The following CDC42EP2 variants were observed in gnomAD, a reference collection of about 807,000 sequenced individuals.
The protein encoded by CDC42EP2 is CDC42 effector protein (Rho GTPase binding) 2.
Under a neutral mutation model 7.3 loss-of-function variants are expected in CDC42EP2, and 5 were observed. The ratio of observed to expected loss-of-function variants is 0.68; its 90% CI spans 0.36 to 1.44. The LOEUF (loss-of-function observed/expected upper bound fraction) is 1.44. Among genes scored for constraint, CDC42EP2 ranks in the 40% most tolerant of loss-of-function variants. The pLI, the probability that CDC42EP2 is intolerant of heterozygous loss-of-function variation, is 0.04. For synonymous variants in CDC42EP2, 113 were observed against 123.6 expected (o/e 0.91, Z 0.57); for missense variants, 251 against 282.6 (o/e 0.89, Z 0.80).
In CDC42EP2 at chr11:65,315,132, G is replaced by T. The variant is rs921099805; in HGVS notation, c.-356+178G>T. Among the ~76,000 whole-genome samples, 13 of 152,194 alleles carry T rather than the reference G, an allele frequency of 8.5e-5. No homozygotes were observed. Among genetic ancestry groups the T allele is most frequent in the Non-Finnish European group, 1.5e-4 (10 of 67,966 alleles). ...CATCTGGGTTCCCGCAGCCTCGCCC[G>T]TGCCCGCCACGGTCCGTGGGGGCGC... On this transcript the variant is annotated intron_variant, in intron 1 of 1. Coordinates refer to ENST00000279249, the MANE Select transcript of CDC42EP2 (RefSeq NM_006779.4). The surrounding 1 kb of genome is among the most constrained non-coding windows in gnomAD (Gnocchi z 4.1).
intron 1 of CDC42EP2, among the ~76,000 whole-genome samples, chr11:65,317,455 G>A (rs1949953368): frequency 6.6e-6 from 1 of 152,110 alleles, no homozygotes; most frequent in African/African-American, 2.4e-5. Flanking sequence ...CAAAGAACTG[G>A]CAAGAGCCAC....
intron 1 of CDC42EP2, chr11:65,317,304 GT>G (rs1220105451): frequency 6.6e-6 from 1 of 152,284 alleles, no homozygotes; most frequent in African/African-American, 2.4e-5. Context: ...CTGGGGTGGG[GT>G]TTCCTGAGCA....
intron 1 of CDC42EP2, among the ~76,000 whole-genome samples, chr11:65,316,656 G>A (rs1182810405): frequency 6.6e-6 from 1 of 152,156 alleles, no homozygotes; most frequent in Non-Finnish European, 1.5e-5. Context: ...GTAAAGGGCC[G>A]TAATGACCCC....
chr11:65,321,910 G>C lies in CDC42EP2; in HGVS notation c.*379G>C. On this transcript the variant is annotated 3_prime_UTR_variant, in exon 2 of 2. Transcript: ENST00000279249. The surrounding 1 kb of genome is among the most constrained non-coding windows in gnomAD (Gnocchi z 4.4). ...GATGCCCTGACTGGGGGCAGGGGAA[G>C]AGACAGGGCACAGCTGGCCACAGGG... is the stretch of plus-strand genomic sequence containing the variant. The C allele has an allele frequency of 4.6e-6, 1 of 219,490 alleles. No homozygotes were observed. The allele number at this position is 219,490 out of a possible 1,614,324, so 13.6% of individuals were successfully genotyped here. A position where few individuals can be genotyped will look rare whatever the true frequency, so the allele number is the denominator to read the frequency against.
In CDC42EP2 at chr11:65,320,569, G is replaced by A; in HGVS notation, c.-330G>A. 3.4e-6 allele frequency: 1 copy of A among 297,002 alleles called. No individual in the cohort carries two copies. The allele number at this position is 297,002 out of a possible 1,614,324, so 18.4% of individuals were successfully genotyped here. A position where few individuals can be genotyped will look rare whatever the true frequency, so the allele number is the denominator to read the frequency against. On this transcript the variant is annotated 5_prime_UTR_variant, in exon 2 of 2. Coordinates refer to ENST00000279249, the MANE Select transcript of CDC42EP2 (RefSeq NM_006779.4). ...CTCCTCAGCCCTGGACCGGGGACAA[G>A]TAACCCTCGGTGACAAGACCAAAGT...
In CDC42EP2 at chr11:65,321,527, C is replaced by A. The variant is rs770987084; in HGVS notation, c.629C>A (p.Thr210Lys). Residue 210 changes from threonine (T) to lysine (K), a missense_variant, in exon 2 of 2, where the codon ACA becomes AAA. Transcript: ENST00000279249. The surrounding 1 kb of genome is among the most constrained non-coding windows in gnomAD (Gnocchi z 4.4). ...GACCTGGACAGCATGCAGATCCCCA[C>A]ATAGGACACGAGGCTGCCTAGGCTG... is the stretch of plus-strand genomic sequence containing the variant. ...DQDLDSMQIPT is the reference protein window; with the variant it reads ...DQDLDSMQIPK 2 of 1,600,238 alleles carry A rather than the reference C, an allele frequency of 1.2e-6. No homozygotes were observed. The highest frequency in any genetic ancestry group is 1.7e-6 in the Non-Finnish European group (2 of 1,170,384).
intron 1 of CDC42EP2, among the ~76,000 whole-genome samples, chr11:65,318,660 T>C (rs1292781071): frequency 6.6e-6 from 1 of 151,708 alleles, no homozygotes; most frequent in African/African-American, 2.4e-5. Context: ...CCTGACCTCA[T>C]GATCCGCCCG....
At chr11:65,319,072 C>T (rs1401210254) in intron 1 of CDC42EP2, among the ~76,000 whole-genome samples, 1 of 150,594 alleles carries the variant, frequency 6.6e-6, no homozygotes, top group African/African-American at 2.4e-5. Flanking sequence ...TGTGGGAATC[C>T]TCCAAAATTT....
chr11:65,318,372 A>G (rs1949957522), intron 1 of CDC42EP2, among the ~76,000 whole-genome samples: 1 of 149,914 alleles, frequency 6.7e-6, no homozygotes, highest in Non-Finnish European at 1.5e-5. Context: ...CTTCTGCCTC[A>G]GCCTCCCGAG....
rs1369135874 is a variant in CDC42EP2, at chr11:65,315,228, AC to A, written c.-356+277del. On this transcript the variant is annotated intron_variant, in intron 1 of 1. Transcript: ENST00000279249. This position sits in a 1 kb window ranked among gnomAD's most constrained non-coding sequence, Gnocchi z 4.1. ...TCCGGGCCCCCGCCCCCCTCCCGAGACCCAGGGGTGCCCCGCCGCCCAGCAT... is the reference window on the plus strand; with the variant it reads ...TCCGGGCCCCCGCCCCCCTCCCGAGACCAGGGGTGCCCCGCCGCCCAGCAT... 6.6e-6 allele frequency among the ~76,000 whole-genome samples: 1 copy of A among 151,868 alleles called. No individual in the cohort carries two copies. The highest frequency in any genetic ancestry group is 2.4e-5 in the African/African-American group (1 of 41,310).
At position 65,320,672 on chromosome 11, in the gene CDC42EP2, A is replaced by C; in HGVS notation, c.-227A>C. 3.7e-6 allele frequency: 2 copies of C among 540,106 alleles called. No homozygotes were observed. The highest frequency in any genetic ancestry group is 2.5e-5 in the South Asian group (1 of 40,206). The allele number at this position is 540,106 out of a possible 1,614,324, so 33.5% of individuals were successfully genotyped here. A position where few individuals can be genotyped will look rare whatever the true frequency, so the allele number is the denominator to read the frequency against. On this transcript the variant is annotated 5_prime_UTR_variant, in exon 2 of 2. Coordinates refer to ENST00000279249, the MANE Select transcript of CDC42EP2 (RefSeq NM_006779.4). ...TTTGCCGTCCTTTGGGGAGAACGTGATTTTTGTTATCTCAGCCCACTGACT... is the reference window on the plus strand; with the variant it reads ...TTTGCCGTCCTTTGGGGAGAACGTGCTTTTTGTTATCTCAGCCCACTGACT...
At chr11:65,318,057 CCTT>C in intron 1 of CDC42EP2, among the ~76,000 whole-genome samples, 1 of 151,404 alleles carries the variant, frequency 6.6e-6, no homozygotes, top group Non-Finnish European at 1.5e-5. Context: ...CTAGGGCTGG[CCTT>C]CTAGATTTTT....
At chr11:65,318,210 C>T (rs1249488342) in intron 1 of CDC42EP2, among the ~76,000 whole-genome samples, 1 of 151,638 alleles carries the variant, frequency 6.6e-6, no homozygotes, top group Non-Finnish European at 1.5e-5. Flanking sequence ...ATTCTTCTGC[C>T]TCAGCCTCCT....
chr11:65,319,563 C>T (rs1433005373), intron 1 of CDC42EP2, among the ~76,000 whole-genome samples: 2 of 152,160 alleles, frequency 1.3e-5, no homozygotes, highest in South Asian at 2.1e-4. Flanking sequence ...ATGTACTCCC[C>T]ACTCCACCTT....
chr11:65,316,509 C>G (rs980490939), intron 1 of CDC42EP2, among the ~76,000 whole-genome samples: 1 of 152,142 alleles, frequency 6.6e-6, no homozygotes, highest in African/African-American at 2.4e-5. Flanking sequence ...CTCCCGCTCC[C>G]CAAACATATT....
rs1265749447 is a variant in CDC42EP2 at position 65,316,797 on chromosome 11, G to A, written c.-356+1843G>A. On this transcript the variant is annotated intron_variant, in intron 1 of 1. Transcript: ENST00000279249. ...ATTCCCAGCTCTCCCCTGGGCCGCTGATGCTGGCCTCACCCTCGATTCTCC... is the reference window on the plus strand; with the variant it reads ...ATTCCCAGCTCTCCCCTGGGCCGCTAATGCTGGCCTCACCCTCGATTCTCC... Among the ~76,000 whole-genome samples the A allele has an allele frequency of 2.0e-5, 3 of 152,200 alleles. No homozygotes were observed. In the East Asian group the frequency reaches 5.8e-4, roughly 29 times the overall value.
In CDC42EP2 at chr11:65,320,560, CG is replaced by C; in HGVS notation, c.-335del. ...GTGTTTCAGCTCCTCAGCCCTGGAC[CG>C]GGGACAAGTAACCCTCGGTGACAAG... On this transcript the variant is annotated 5_prime_UTR_variant, in exon 2 of 2. Transcript: ENST00000279249. 3.5e-6 allele frequency: 1 copy of C among 283,830 alleles called. No homozygotes were observed. 17.6% of individuals were successfully genotyped at this position (283,830 alleles called of 1,614,324 possible).
Position 65,321,253 on chromosome 11 carries a change from C to T in CDC42EP2, c.355C>T (p.Leu119Phe), listed in dbSNP as rs1949973372. Reference sequence around the variant, plus strand: ...CCCGGTTATCGGTGGACCCCAGGCTCTCACCCTGCCCACAGCCCAGGCTCC... The same window carrying T: ...CCCGGTTATCGGTGGACCCCAGGCTTTCACCCTGCCCACAGCCCAGGCTCC... ...SLPVIGGPQA[L>F]TLPTAQAPPK... Residue 119 changes from leucine (L) to phenylalanine (F), a missense_variant, in exon 2 of 2, where the codon CTC (leucine) becomes TTC (phenylalanine). By Grantham distance (22) the Leu-to-Phe change is conservative. Coordinates refer to ENST00000279249, the MANE Select transcript of CDC42EP2 (RefSeq NM_006779.4). This position sits in a 1 kb window ranked among gnomAD's most constrained non-coding sequence, Gnocchi z 4.4. The T allele has an allele frequency of 6.2e-7, 1 of 1,613,962 alleles. No individual in the cohort carries two copies. Among genetic ancestry groups the T allele is most frequent in the Non-Finnish European group, 8.5e-7 (1 of 1,180,008 alleles).
rs1192334955 is a variant in CDC42EP2, at chr11:65,321,462, G to T, written c.564G>T (p.Gly188=). 6.2e-7 allele frequency: 1 copy of T among 1,613,706 alleles called. No homozygotes were observed. ...TGCTGTCCCTGCACGTGGACCTGGG[G>T]CCTTCCATCCTGGATGATGTCCTGC... ...SSLLSLHVDL[G]PSILDDVLQI... Residue 188 remains glycine (G), a synonymous_variant, in exon 2 of 2, where the codon GGG becomes GGT. Transcript: ENST00000279249. The surrounding 1 kb of genome is among the most constrained non-coding windows in gnomAD (Gnocchi z 4.4).
Sources: gnomAD v4.1 joint callset for allele counts (sites outside exome capture counted in the v4.1 genomes callset) on GRCh38, gnomAD v4.1.1 for gene constraint, Gnocchi (gnomAD v3.1) non-coding constraint, MANE v1.5 for transcripts, NCBI Gene and HGNC (gene_info 2026-07-23, HGNC 2026-07-21) for gene names.